Variants in DNAJC11 observed in about 807,000 individuals in gnomAD.
DNAJC11 encodes the protein DnaJ heat shock protein family (Hsp40) member C11.
In DNAJC11, 15 loss-of-function variants were observed where a neutral mutation model predicts 78.6. That is an observed-to-expected ratio of 0.19 (90% CI 0.13 to 0.29). The LOEUF (loss-of-function observed/expected upper bound fraction) is 0.29. Among genes scored for constraint, DNAJC11 ranks in the 10% least tolerant of loss-of-function variants. The pLI is 1.00. For synonymous variants in DNAJC11, 292 were observed against 272.1 expected, an observed-to-expected ratio of 1.07 and a Z score of -0.72; for missense variants, 547 against 709.6, an observed-to-expected ratio of 0.77 and a Z score of 2.60.
chr1:6,701,734 T>G lies in DNAJC11; in HGVS notation c.67A>C (p.Arg23=). 1 of 1,559,840 alleles carries G rather than the reference T, an allele frequency of 6.4e-7. No individual in the cohort carries two copies. The change falls in exon 1 of 16, where the codon AGG becomes CGG. Residue 23 remains arginine (R), a synonymous_variant. Transcript: ENST00000377577. Reference sequence around the variant, plus strand: ...CGTCCAGCCGCTGGCCTCACCTCCCTGCGCACGTTCAGCAACGAGTAATAG... The same window carrying G: ...CGTCCAGCCGCTGGCCTCACCTCCCGGCGCACGTTCAGCAACGAGTAATAG... The part of the protein sequence containing the change: ...EDYYSLLNVR[R]EASSEELKAA...
At chr1:6,641,392 T>A (rs868126980) in intron 10 of DNAJC11, among the ~76,000 whole-genome samples, 3,671 of 128,254 alleles carry the variant, frequency 0.029, 145 homozygotes, top group African/African-American at 0.11. Context: ...AAAAAAAAAA[T>A]ATATATATAT....
At chr1:6,640,322 G>A (rs1432636515) in intron 10 of DNAJC11, among the ~76,000 whole-genome samples, 5 of 152,162 alleles carry the variant, frequency 3.3e-5, no homozygotes, top group African/African-American at 1.2e-4. Flanking sequence ...CACTTCACGG[G>A]GTCAACGTCC....
chr1:6,634,578 T>TG lies in DNAJC11; in HGVS notation c.*1096dup. ...CCGAGGGGTCAGCAAGAGCAACTGA[T>TG]GGCTGCCACTTCCAGGCCCCGAGAG... is the stretch of plus-strand genomic sequence containing the variant. On this transcript the variant is annotated 3_prime_UTR_variant, in exon 16 of 16. Coordinates refer to ENST00000377577, the MANE Select transcript of DNAJC11 (RefSeq NM_018198.4). The TG allele has an allele frequency of 1.5e-6, 2 of 1,365,794 alleles. No homozygotes were observed. Among genetic ancestry groups the TG allele is most frequent in the Non-Finnish European group, 2.0e-6 (2 of 1,021,658 alleles). The allele number at this position is 1,365,794 out of a possible 1,614,324, so 84.6% of individuals were successfully genotyped here. A position where few individuals can be genotyped will look rare whatever the true frequency, so the allele number is the denominator to read the frequency against.
intron 14 of DNAJC11, 70 bp from the exon 15 acceptor site, chr1:6,636,316 C>T (rs1172623600): frequency 1.1e-5 from 18 of 1,577,092 alleles, no homozygotes; most frequent in Non-Finnish European, 1.2e-5. Flanking sequence ...TCACTACCAC[C>T]GGAGGGGCAG....
intron 10 of DNAJC11, among the ~76,000 whole-genome samples, chr1:6,641,111 C>A (rs928319973): frequency 1.3e-5 from 2 of 152,026 alleles, no homozygotes; most frequent in Admixed American, 6.6e-5. Context: ...CTTGGCCAGG[C>A]TCAGTGGCTC....
At chr1:6,672,241 A>T (rs1374251018) in intron 3 of DNAJC11, among the ~76,000 whole-genome samples, 1 of 152,240 alleles carries the variant, frequency 6.6e-6, no homozygotes, top group East Asian at 1.9e-4. Context: ...CAGTGACATA[A>T]GCAGGCCCAT....
chr1:6,646,050 C>A, intron 7 of DNAJC11, 72 bp from the exon 8 acceptor site: 1 of 1,508,322 alleles, frequency 6.6e-7, no homozygotes. Context: ...TTCCTCTCTG[C>A]CTGGCTAAGA....
chr1:6,660,061 C>CAA (rs879582430), intron 4 of DNAJC11, among the ~76,000 whole-genome samples: 1 of 139,870 alleles, frequency 7.1e-6, no homozygotes, highest in Non-Finnish European at 1.6e-5. Flanking sequence ...GTCTCAAAAA[C>CAA]AAAAAAAAAA....
intron 4 of DNAJC11, 198 bp from the exon 5 acceptor site, chr1:6,654,237 G>A (rs1642096430): frequency 2.0e-6 from 1 of 503,856 alleles, no homozygotes; most frequent in African/African-American, 2.0e-5. Context: ...GAGCACCACA[G>A]ACGTCCAGAG....
intron 3 of DNAJC11, 28 bp from the exon 4 acceptor site, chr1:6,667,838 A>G (rs370041306): frequency 6.0e-5 from 96 of 1,601,480 alleles, no homozygotes; most frequent in Non-Finnish European, 8.1e-5. Flanking sequence ...ATGGGAAGAC[A>G]GTTGAGGACC....
chr1:6,668,883 G>A (rs1642332437), intron 3 of DNAJC11, among the ~76,000 whole-genome samples: 1 of 152,028 alleles, frequency 6.6e-6, no homozygotes. Flanking sequence ...GTAATGTCGA[G>A]TCTGAGAAAA....
chr1:6,696,514 C>T (rs1219587989), intron 1 of DNAJC11, among the ~76,000 whole-genome samples: 3 of 152,200 alleles, frequency 2.0e-5, no homozygotes, highest in Non-Finnish European at 4.4e-5. Flanking sequence ...TCCTTTCCAT[C>T]TGCAGCTCAA....
chr1:6,685,196 G>C (rs558255836), intron 1 of DNAJC11, among the ~76,000 whole-genome samples: 2 of 152,236 alleles, frequency 1.3e-5, no homozygotes, highest in Non-Finnish European at 2.9e-5. Context: ...TGGATAATAT[G>C]TCTGTACCAC....
Position 6,701,784 on chromosome 1 carries a change from C to T in DNAJC11, c.17G>A (p.Ser6Asn). 2 of 1,564,710 alleles carry T rather than the reference C, an allele frequency of 1.3e-6. No individual in the cohort carries two copies. Among genetic ancestry groups the T allele is most frequent in the East Asian group, 2.5e-5 (1 of 39,264 alleles). ...GTCTTCATTGTCCAGCTCCTCCTCG[C>T]TCAAGGCCGTCGCCATCTTCGCAAC... MATAL[S>N]EEELDNEDYY... The change falls in exon 1 of 16, where the codon AGC (serine) becomes AAC (asparagine). Residue 6 changes from serine to asparagine, a missense_variant. Ser to Asn is a conservative substitution (Grantham distance 46). Transcript: ENST00000377577.
Position 6,652,909 on chromosome 1 carries a change from G to A in DNAJC11, c.550C>T (p.Leu184Phe), listed in dbSNP as rs1642077076. The A allele has an allele frequency of 6.2e-7, 1 of 1,614,180 alleles. No individual in the cohort carries two copies. Among genetic ancestry groups the A allele is most frequent in the Non-Finnish European group, 8.5e-7 (1 of 1,180,036 alleles). Reference sequence around the variant, plus strand: ...CCTCCATTTCCATTCTGGGTTGAGAGGCTTCCAGAGAGGATGGCTGTGTCT... The same window carrying A: ...CCTCCATTTCCATTCTGGGTTGAGAAGCTTCCAGAGAGGATGGCTGTGTCT... Reference protein sequence around the residue: ...ATDTAILSGSLSTQNGNGGGS... With the variant: ...ATDTAILSGSFSTQNGNGGGS... Residue 184 changes from leucine (L) to phenylalanine (F), a missense_variant, in exon 6 of 16, where the codon CTC becomes TTC. Coordinates refer to ENST00000377577, the MANE Select transcript of DNAJC11 (RefSeq NM_018198.4).
At chr1:6,675,547 G>C (rs1393900075) in intron 3 of DNAJC11, among the ~76,000 whole-genome samples, 1 of 152,062 alleles carries the variant, frequency 6.6e-6, no homozygotes, top group Non-Finnish European at 1.5e-5. Flanking sequence ...CTCCCAAGAA[G>C]TAGGATTACA....
chr1:6,657,613 A>G (rs1390271820), intron 4 of DNAJC11, among the ~76,000 whole-genome samples: 1 of 152,216 alleles, frequency 6.6e-6, no homozygotes, highest in Non-Finnish European at 1.5e-5. Flanking sequence ...GTTGGTGAAC[A>G]GACTAAAGTC....
rs1365937792 is a variant in DNAJC11, at chr1:6,645,647, C to T, written c.894+142G>A. 2.1e-6 allele frequency: 2 copies of T among 953,702 alleles called. No homozygotes were observed. The highest frequency in any genetic ancestry group is 3.1e-6 in the Non-Finnish European group (2 of 640,916). The allele number at this position is 953,702 out of a possible 1,614,324, so 59.1% of individuals were successfully genotyped here. Reference sequence around the variant, plus strand: ...CCACCAGGTCACTCGAGTGTGAGCACCGAGAGCCTGCCCCTCAGGGCCCTG... The same window carrying T: ...CCACCAGGTCACTCGAGTGTGAGCATCGAGAGCCTGCCCCTCAGGGCCCTG... On this transcript the variant is annotated intron_variant, in intron 8 of 15. Coordinates refer to ENST00000377577, the MANE Select transcript of DNAJC11 (RefSeq NM_018198.4). This position sits in a 1 kb window ranked among gnomAD's most constrained non-coding sequence, Gnocchi z 4.1.
intron 3 of DNAJC11, among the ~76,000 whole-genome samples, chr1:6,674,640 G>A (rs1028765403): frequency 6.6e-6 from 1 of 151,844 alleles, no homozygotes; most frequent in African/African-American, 2.4e-5. Context: ...GAGGTGGGAG[G>A]ATGGCCTGAG....
Sources: gnomAD v4.1 joint callset for allele counts (sites outside exome capture counted in the v4.1 genomes callset) on GRCh38, gnomAD v4.1.1 for gene constraint, Gnocchi (gnomAD v3.1) non-coding constraint, MANE v1.5 for transcripts, NCBI Gene and HGNC (gene_info 2026-07-23, HGNC 2026-07-21) for gene names.